Variants in DHX35 observed in about 807,000 individuals in gnomAD.
DHX35 encodes DEAH-box helicase 35, also known as probable ATP-dependent RNA helicase DHX35.
In DHX35, 84 loss-of-function variants were observed where a neutral mutation model predicts 99.6. That is an observed-to-expected ratio of 0.84 (90% CI 0.71 to 1.01). DHX35 has a LOEUF of 1.01. DHX35 is among the 50% of genes least tolerant of loss of function. The pLI, the probability that DHX35 is intolerant of heterozygous loss-of-function variation, is 0.00. For synonymous variants in DHX35, 331 were observed against 316.2 expected (o/e 1.05, Z -0.50); for missense variants, 852 against 888.5 (o/e 0.96, Z 0.52).
At chr20:38,988,177 A>G (rs2086278448) in intron 4 of DHX35, among the ~76,000 whole-genome samples, 2 of 152,102 alleles carry the variant, frequency 1.3e-5, no homozygotes, top group South Asian at 4.1e-4. Context: ...TAATTTTGGC[A>G]TATCTATGTT....
chr20:38,972,001 T>TTTTTTC (rs2086006260), intron 2 of DHX35, among the ~76,000 whole-genome samples: 1 of 138,314 alleles, frequency 7.2e-6, no homozygotes. Flanking sequence ...TTTGTTTTGT[T>TTTTTTC]TTGTTTTTTT....
chr20:39,016,370 C>T (rs2086785728), intron 14 of DHX35, among the ~76,000 whole-genome samples: 1 of 152,210 alleles, frequency 6.6e-6, no homozygotes, highest in African/African-American at 2.4e-5. Flanking sequence ...CAAATTTCAA[C>T]ATGAGCTTTG....
chr20:38,977,427 C>T (rs2086098401), intron 3 of DHX35, among the ~76,000 whole-genome samples: 1 of 151,996 alleles, frequency 6.6e-6, no homozygotes, highest in East Asian at 1.9e-4. Context: ...GTCTTTTGCC[C>T]ATCTTTTTTT....
intron 3 of DHX35, among the ~76,000 whole-genome samples, chr20:38,979,334 CTTAT>C (rs958918306): frequency 1.2e-4 from 18 of 152,102 alleles, no homozygotes; most frequent in African/African-American, 3.9e-4. Context: ...AAATAAAATA[CTTAT>C]GGGGTTGCTG....
chr20:38,999,860 G>A (rs1449232576), intron 8 of DHX35, among the ~76,000 whole-genome samples: 6 of 152,212 alleles, frequency 3.9e-5, no homozygotes, highest in African/African-American at 1.4e-4. Context: ...CTTGCCCATC[G>A]AATAAAGTGC....
intron 3 of DHX35, among the ~76,000 whole-genome samples, chr20:38,974,943 T>C (rs1172689743): frequency 3.3e-5 from 5 of 152,194 alleles, no homozygotes; most frequent in African/African-American, 1.2e-4. Flanking sequence ...ATCTTGGAGA[T>C]AGCACGTCCA....
chr20:39,002,971 G>T, intron 10 of DHX35, 103 bp downstream of exon 10: 1 of 1,005,088 alleles, frequency 9.9e-7, no homozygotes, highest in Non-Finnish European at 1.5e-6. Context: ...ATGTTTTGTT[G>T]TATTTTGTGG....
chr20:38,971,452 C>T (rs1164903887), intron 2 of DHX35, among the ~76,000 whole-genome samples: 4 of 152,088 alleles, frequency 2.6e-5, no homozygotes, highest in African/African-American at 7.2e-5. Context: ...CCACCTGTTC[C>T]CTTGTCTGCC....
chr20:39,011,153 T>A (rs2086696454), intron 13 of DHX35, among the ~76,000 whole-genome samples: 1 of 152,044 alleles, frequency 6.6e-6, no homozygotes, highest in Middle Eastern at 3.2e-3. Context: ...GCTATTTATC[T>A]GTTAGAATTT....
chr20:39,022,051 A>G lies in DHX35; in HGVS notation c.1593+116A>G, dbSNP rs1420701109. The G allele has an allele frequency of 4.0e-5, 39 of 966,014 alleles. No homozygotes were observed. In the Admixed American group the frequency reaches 8.2e-4, roughly 20 times the overall value. 59.8% of individuals were successfully genotyped at this position (966,014 alleles called of 1,614,324 possible). ...AGAGCTGTACAAATGTGATCTGCTC[A>G]TGTTTTGAGTGTTTATTCCGTGCTT... On this transcript the variant is annotated intron_variant, in intron 16 of 21. Transcript: ENST00000252011.
At chr20:38,988,991 T>A in intron 5 of DHX35, 74 bp downstream of exon 5, 1 of 1,550,182 alleles carries the variant, frequency 6.5e-7, no homozygotes, top group Non-Finnish European at 8.8e-7. Context: ...AAACATGTAG[T>A]CCTTGCTGCT....
rs758346909 is a variant in DHX35 at position 39,006,138 on chromosome 20, G to A, written c.1012-8G>A. 1.2e-6 allele frequency: 2 copies of A among 1,609,994 alleles called. No homozygotes were observed. Among genetic ancestry groups the A allele is most frequent in the African/African-American group, 2.7e-5 (2 of 74,832 alleles). Reference sequence around the variant, plus strand: ...TGAGTTTTATTCTTCTTTCTGTGGGGAACGTAGGTGATAGTGGCCACCAAT... The same window carrying A: ...TGAGTTTTATTCTTCTTTCTGTGGGAAACGTAGGTGATAGTGGCCACCAAT... On this transcript the variant is annotated splice_polypyrimidine_tract_variant and splice_region_variant and intron_variant, in intron 11 of 21. Coordinates refer to ENST00000252011, the MANE Select transcript of DHX35 (RefSeq NM_021931.4).
intron 1 of DHX35, among the ~76,000 whole-genome samples, 171 bp from the exon 2 acceptor site, chr20:38,968,910 G>T (rs995932585): frequency 6.6e-6 from 1 of 152,178 alleles, no homozygotes; most frequent in South Asian, 2.1e-4. Context: ...TTAGTTCCTC[G>T]TAGGCACTTT....
chr20:38,999,087 C>T (rs547518338), intron 8 of DHX35, among the ~76,000 whole-genome samples: 51 of 152,264 alleles, frequency 3.3e-4, no homozygotes, highest in Middle Eastern at 6.8e-3. Flanking sequence ...CCACCGCATC[C>T]GGCCGAGTCT....
intron 7 of DHX35, among the ~76,000 whole-genome samples, chr20:38,993,820 A>G (rs912989039): frequency 1.3e-5 from 2 of 151,838 alleles, no homozygotes; most frequent in Admixed American, 6.6e-5. Flanking sequence ...TAGGTACTGT[A>G]TATTGTGATT....
chr20:39,029,003 T>C (rs372502703), intron 19 of DHX35, among the ~76,000 whole-genome samples: 1 of 152,230 alleles, frequency 6.6e-6, no homozygotes. Flanking sequence ...TTTCTAGGCA[T>C]AGGAAATCAC....
At position 38,976,370 on chromosome 20, in the gene DHX35, G is replaced by A. The variant is rs1478525650; in HGVS notation, c.267+3719G>A. On this transcript the variant is annotated intron_variant, in intron 3 of 21. Transcript: ENST00000252011. The stretch of plus-strand genomic sequence containing the variant: ...TGTGTGTGTGTGTATGCACATATAT[G>A]CCCTATTTTAAACATGAAACATCTA... Among the ~76,000 whole-genome samples the A allele has an allele frequency of 2.7e-5, 4 of 148,736 alleles. No homozygotes were observed. The East Asian group carries it at 7.9e-4, about 29-fold the overall frequency.
intron 5 of DHX35, among the ~76,000 whole-genome samples, chr20:38,990,374 G>A (rs2086319655): frequency 6.6e-6 from 1 of 152,196 alleles, no homozygotes; most frequent in Non-Finnish European, 1.5e-5. Flanking sequence ...AACAAATTCA[G>A]TACGTTAAGA....
chr20:39,001,629 C>G, intron 8 of DHX35, 101 bp from the exon 9 acceptor site: 9 of 817,108 alleles, frequency 1.1e-5, no homozygotes, highest in Non-Finnish European at 1.7e-5. Context: ...AATCTTGCTA[C>G]TCACCTGTCT....
Sources: allele counts gnomAD v4.1 joint callset (sites outside exome capture counted in the v4.1 genomes callset), GRCh38; gene constraint gnomAD v4.1.1; transcripts MANE v1.5; gene names NCBI Gene and HGNC (gene_info 2026-07-23, HGNC 2026-07-21).